TET3: variants seen among roughly 807,000 people sequenced by gnomAD.
The protein encoded by TET3 is methylcytosine dioxygenase TET3.
Under a neutral mutation model 141.4 loss-of-function variants are expected in TET3, and 19 were observed. The observed-to-expected ratio is 0.13, with a 90% CI of 0.09 to 0.20. TET3 has a LOEUF of 0.20. Ranked by LOEUF, TET3 falls within the 10% of genes least tolerant of loss-of-function variation. TET3 has a pLI of 1.00. For synonymous variants in TET3, 1,043 were observed against 980.9 expected (o/e 1.06, Z -1.18); for missense variants, 1,874 against 2,356.9 (o/e 0.80, Z 4.24).
rs528912368 is a variant in TET3 at position 74,052,338 on chromosome 2, G to C, written c.2494+3927G>C. 1.5e-3 allele frequency among the ~76,000 whole-genome samples: 225 copies of C among 152,206 alleles called. 6 individuals are homozygous for C. In the South Asian group the frequency reaches 0.045, roughly 31 times the overall value. ...CTTTGTGAATTCAGGCTCAGAACAA[G>C]GCTTAGAAATCAAGGTGCTCACTCT... On this transcript the variant is annotated intron_variant, in intron 4 of 11. Coordinates refer to ENST00000409262, the MANE Select transcript of TET3 (RefSeq NM_001287491.2).
chr2:74,095,501 T>A (rs1558789734), intron 10 of TET3, among the ~76,000 whole-genome samples: 1 of 152,256 alleles, frequency 6.6e-6, no homozygotes, highest in Non-Finnish European at 1.5e-5. Context: ...TTTTAAAAAT[T>A]TAAATAATAT....
rs1164869574 is a variant in TET3, at chr2:74,048,198, T to G, written c.2281T>G (p.Ser761Ala). The G allele has an allele frequency of 1.2e-6, 2 of 1,611,916 alleles. No individual in the cohort carries two copies. Among genetic ancestry groups the G allele is most frequent in the South Asian group, 2.2e-5 (2 of 90,840 alleles). The change falls in exon 4 of 12, where the codon TCT becomes GCT. Residue 761 changes from serine (S) to alanine (A), a missense_variant. This residue lies in a region of TET3 where 83 missense variants were observed against 107.0 expected (regional missense o/e 0.78). Transcript: ENST00000409262. ...TTCCCCCAAGCAAATCAAGATTGAG[T>G]CTTCGGGGGCTGTGACTGTGCTCTC... ...TRSPKQIKIE[S>A]SGAVTVLSTT... is the part of the protein sequence containing the mutation.
chr2:74,048,584 T>C (rs977125931), intron 4 of TET3, among the ~76,000 whole-genome samples, 173 bp downstream of exon 4: 5 of 152,146 alleles, frequency 3.3e-5, no homozygotes, highest in Non-Finnish European at 7.4e-5. Flanking sequence ...TTGAAAGAAA[T>C]TGACGTGATA....
intron 4 of TET3, among the ~76,000 whole-genome samples, chr2:74,065,478 T>C (rs1476490519): frequency 1.3e-5 from 2 of 152,074 alleles, no homozygotes; most frequent in African/African-American, 4.8e-5. Context: ...ACAAGAAATA[T>C]CCAGGGCACA....
intron 3 of TET3, among the ~76,000 whole-genome samples, chr2:74,007,469 G>C (rs1685207181): frequency 6.6e-6 from 1 of 152,200 alleles, no homozygotes; most frequent in Admixed American, 6.5e-5. Context: ...AGATGTTTCG[G>C]ATTTGAGATT....
chr2:74,103,967 G>C lies in TET3; in HGVS notation c.*1791G>C, dbSNP rs182563013. On this transcript the variant is annotated 3_prime_UTR_variant, in exon 12 of 12. Coordinates refer to ENST00000409262, the MANE Select transcript of TET3 (RefSeq NM_001287491.2). The stretch of plus-strand genomic sequence containing the variant: ...CTATAGGCAAGTTCCTGAGCTTCCG[G>C]GTGCCTTGAGTAAGAGCTGAGAACC... 2.6e-5 allele frequency: 4 copies of C among 153,690 alleles called. No homozygotes were observed. The highest frequency in any genetic ancestry group is 4.4e-5 in the Non-Finnish European group (3 of 68,012). 9.5% of individuals were successfully genotyped at this position (153,690 alleles called of 1,614,324 possible).
chr2:73,988,084 A>G (rs1684136517), intron 2 of TET3, among the ~76,000 whole-genome samples: 1 of 152,180 alleles, frequency 6.6e-6, no homozygotes, highest in South Asian at 2.1e-4. Flanking sequence ...GTTAAAGCAG[A>G]CATCTGGATC....
At chr2:74,124,892 C>T in the TET3 span, among the ~76,000 whole-genome samples, 3 of 149,900 alleles carry the variant, frequency 2.0e-5, no homozygotes, top group Admixed American at 1.3e-4. Flanking sequence ...CCAAATCCCC[C>T]TCTCCGAGAA....
intron 2 of TET3, among the ~76,000 whole-genome samples, chr2:73,990,473 G>A (rs1028053232): frequency 7.2e-5 from 11 of 152,184 alleles, no homozygotes; most frequent in African/African-American, 2.7e-4. Context: ...CTCTGTGCTG[G>A]GGGAGGAGGC....
chr2:74,128,116 AGTGT>A, the TET3 span, among the ~76,000 whole-genome samples: 1 of 152,210 alleles, frequency 6.6e-6, no homozygotes, highest in Non-Finnish European at 1.5e-5. Flanking sequence ...CACCTCAAAC[AGTGT>A]TCTCCTTAAA....
intron 2 of TET3, among the ~76,000 whole-genome samples, chr2:73,990,882 A>G (rs566425698): frequency 6.6e-6 from 1 of 152,280 alleles, no homozygotes; most frequent in East Asian, 1.9e-4. Flanking sequence ...CAAAGGGAGA[A>G]TTGACTAGAG....
At chr2:74,058,566 A>G (rs1688332859) in intron 4 of TET3, among the ~76,000 whole-genome samples, 1 of 152,154 alleles carries the variant, frequency 6.6e-6, no homozygotes. Context: ...GTTTTTGTAG[A>G]CAAATTTTTT....
At chr2:74,086,887 G>A (rs945746461) in intron 6 of TET3, among the ~76,000 whole-genome samples, 4 of 150,660 alleles carry the variant, frequency 2.7e-5, no homozygotes, top group South Asian at 2.1e-4. Context: ...GTACATTCAC[G>A]TTGTTGTACA....
chr2:74,061,119 A>C (rs1385987432), intron 4 of TET3, among the ~76,000 whole-genome samples: 1 of 148,104 alleles, frequency 6.8e-6, no homozygotes, highest in African/African-American at 2.5e-5. Context: ...CACCTACCGG[A>C]CGGGGCGGCC....
chr2:74,089,540 G>A (rs1690357424), intron 7 of TET3, among the ~76,000 whole-genome samples: 1 of 152,192 alleles, frequency 6.6e-6, no homozygotes, highest in Non-Finnish European at 1.5e-5. Flanking sequence ...TCATTTCCCT[G>A]TTCATATGGC....
intron 4 of TET3, among the ~76,000 whole-genome samples, chr2:74,055,428 G>GAT (rs1217169780): frequency 2.6e-5 from 4 of 152,294 alleles, no homozygotes; most frequent in South Asian, 4.1e-4. Context: ...GCTGACCTGA[G>GAT]ATTTTAGTGT....
Position 74,100,536 on chromosome 2 carries a change from G to T in TET3, c.3748G>T (p.Asp1250Tyr), listed in dbSNP as rs925918001. The change falls in exon 12 of 12, where the codon GAC becomes TAC. Residue 1250 changes from aspartate to tyrosine, a missense_variant. Physicochemically the swap from Asp to Tyr is radical, Grantham distance 160. Coordinates refer to ENST00000409262, the MANE Select transcript of TET3 (RefSeq NM_001287491.2). Reference protein sequence around the residue: ...YSVLGNCRPSDPYSMNSVYSY... With the variant: ...YSVLGNCRPSYPYSMNSVYSY... ...GGTGCTGGGCAACTGCCGGCCCTCC[G>T]ACCCTTACAGCATGAACAGCGTGTA... 1.9e-6 allele frequency: 3 copies of T among 1,611,498 alleles called. No individual in the cohort carries two copies. The highest frequency in any genetic ancestry group is 1.3e-5 in the African/African-American group (1 of 74,860).
At chr2:74,110,895 T>A (rs1691688272), downstream of TET3, among the ~76,000 whole-genome samples, 3 of 152,092 alleles carry the variant, frequency 2.0e-5, no homozygotes, top group South Asian at 6.2e-4. Flanking sequence ...TGCTCTCAGG[T>A]TCACCCCAGC....
At chr2:74,123,666 G>T in the TET3 span, among the ~76,000 whole-genome samples, 1 of 152,178 alleles carries the variant, frequency 6.6e-6, no homozygotes, top group African/African-American at 2.4e-5. Context: ...TGCAGCCTCT[G>T]CCCGGCCACC....
Sources: gnomAD v4.1 joint callset for allele counts (sites outside exome capture counted in the v4.1 genomes callset) on GRCh38, gnomAD v4.1.1 for gene constraint, gnomAD v4.1.1 regional missense constraint, MANE v1.5 for transcripts, NCBI Gene and HGNC (gene_info 2026-07-23, HGNC 2026-07-21) for gene names.